PAK6: variants seen among roughly 807,000 people sequenced by gnomAD.
PAK6 encodes the protein serine/threonine-protein kinase PAK 6.
PAK6 carries 33 observed loss-of-function variants against 60.8 expected under a neutral mutation model. The ratio of observed to expected loss-of-function variants is 0.54; its 90% confidence interval spans 0.41 to 0.73. The LOEUF (loss-of-function observed/expected upper bound fraction) is 0.73. PAK6 is among the 30% of genes least tolerant of loss of function. The probability of loss-of-function intolerance (pLI) is 0.00; values close to 1 mark genes in which losing one functional copy is unlikely to be tolerated. For synonymous variants in PAK6, 404 were observed against 378.5 expected (o/e 1.07, Z -0.78); for missense variants, 845 against 904.1 (o/e 0.93, Z 0.84).
chr15:40,267,210 C>T (rs2039167196), intron 5 of PAK6, among the ~76,000 whole-genome samples: 1 of 152,042 alleles, frequency 6.6e-6, no homozygotes, highest in Non-Finnish European at 1.5e-5. Context: ...GTAATGGAGC[C>T]TCCCCTCCCT....
At chr15:40,274,610 G>A (rs865993851) in intron 10 of PAK6, among the ~76,000 whole-genome samples, 1 of 152,318 alleles carries the variant, frequency 6.6e-6, no homozygotes, top group South Asian at 2.1e-4. Context: ...GCTGTCCAGG[G>A]AGGGATCCGG....
chr15:40,264,561 C>T (rs1369923132), intron 3 of PAK6: 1 of 629,360 alleles, frequency 1.6e-6, no homozygotes, highest in Non-Finnish European at 2.9e-6. Context: ...TGTTTATAGT[C>T]TGCACTGGCT....
At chr15:40,275,114 C>T (rs2039411291) in intron 10 of PAK6, among the ~76,000 whole-genome samples, 1 of 152,072 alleles carries the variant, frequency 6.6e-6, no homozygotes, top group Non-Finnish European at 1.5e-5. Context: ...CTGCCCAAGA[C>T]TCAGCCTCAT....
intron 2 of PAK6, chr15:40,250,723 G>A (rs2038642459): frequency 1.3e-5 from 2 of 152,168 alleles, no homozygotes; most frequent in African/African-American, 2.4e-5. Flanking sequence ...GTACTGCTTG[G>A]AGCTGTGATT....
intron 7 of PAK6, 24 bp downstream of exon 7, chr15:40,273,023 C>T (rs1197541363): frequency 1.2e-6 from 2 of 1,611,324 alleles, no homozygotes; most frequent in African/African-American, 2.7e-5. Context: ...AGGGCTGGAC[C>T]CTGAGTGCAG....
intron 9 of PAK6, 191 bp downstream of exon 9, chr15:40,273,867 A>G: frequency 1.4e-6 from 1 of 734,574 alleles, no homozygotes; most frequent in Non-Finnish European, 2.2e-6. Context: ...GAGTCCTGCA[A>G]GTGCTTTCCT....
rs927469971 is a variant in PAK6, at chr15:40,273,857, G to A, written c.1743+181G>A. ...ACCCAGTGACTTTGCTGCCAGGAAC[G>A]AGTCCTGCAAGTGCTTTCCTCAGCT... is the stretch of plus-strand genomic sequence containing the variant. On this transcript the variant is annotated intron_variant, in intron 9 of 10. Transcript: ENST00000560346. 5 of 774,500 alleles carry A rather than the reference G, an allele frequency of 6.5e-6. No individual in the cohort carries two copies. In the African/African-American group the frequency reaches 7.0e-5, roughly 11 times the overall value. The allele number at this position is 774,500 out of a possible 1,614,324, so 48.0% of individuals were successfully genotyped here.
chr15:40,264,918 G>A, exon 4 of PAK6: 1 of 1,613,832 alleles, frequency 6.2e-7, no homozygotes, highest in Non-Finnish European at 8.5e-7. Flanking sequence ...GAACATCCTG[G>A]ACACACTGCG....
intron 8 of PAK6, 34 bp downstream of exon 8, chr15:40,273,506 T>C: frequency 1.2e-6 from 2 of 1,613,656 alleles, no homozygotes; most frequent in Non-Finnish European, 1.7e-6. Flanking sequence ...ACAGCCACGC[T>C]CCCACTTCCT....
chr15:40,264,856 C>T, exon 4 of PAK6: 1 of 1,614,040 alleles, frequency 6.2e-7, no homozygotes, highest in Non-Finnish European at 8.5e-7. Context: ...CGTGTCCACA[C>T]CTCCTTCGAC....
chr15:40,252,948 G>C (rs542114315), intron 2 of PAK6: 1 of 908,822 alleles, frequency 1.1e-6, no homozygotes, highest in Non-Finnish European at 1.4e-6. Flanking sequence ...TGGCCGCGCC[G>C]GGTCGGAGTG....
chr15:40,268,845 G>A (rs1357630721), intron 5 of PAK6, among the ~76,000 whole-genome samples: 4 of 152,184 alleles, frequency 2.6e-5, no homozygotes, highest in South Asian at 2.1e-4. Flanking sequence ...CGTGTACTCC[G>A]ATATATGTCA....
At chr15:40,276,282 C>A in exon 11 of PAK6, 1 of 588,038 alleles carries the variant, frequency 1.7e-6, no homozygotes. Flanking sequence ...AGTGTCTCTC[C>A]CTCCCGAGTC....
At chr15:40,252,442 C>T (rs1334028960) in intron 2 of PAK6, 2 of 1,359,552 alleles carry the variant, frequency 1.5e-6, no homozygotes, top group Middle Eastern at 2.1e-4. Flanking sequence ...CAGCACGGCG[C>T]CCCTCGGGCA....
At chr15:40,266,599 A>C (rs979464863) in intron 5 of PAK6, 104 bp downstream of exon 5, 7 of 1,202,942 alleles carry the variant, frequency 5.8e-6, no homozygotes, top group African/African-American at 3.1e-5. Context: ...GGCTCCCTGG[A>C]CTGCTTCCGC....
At chr15:40,274,320 C>T in intron 10 of PAK6, 44 bp downstream of exon 10, 1 of 1,540,040 alleles carries the variant, frequency 6.5e-7, no homozygotes, top group Non-Finnish European at 8.7e-7. Flanking sequence ...CCCCATTCCT[C>T]CTGAGGCAAG....
intron 3 of PAK6, among the ~76,000 whole-genome samples, chr15:40,255,819 G>T (rs192075989): frequency 7.9e-5 from 12 of 152,264 alleles, no homozygotes; most frequent in African/African-American, 2.9e-4. Context: ...GCAGAGTGCG[G>T]GCAGCCTCCT....
chr15:40,264,938 G>A (rs2039080864), exon 4 of PAK6: 2 of 1,613,752 alleles, frequency 1.2e-6, no homozygotes, highest in African/African-American at 1.3e-5. Context: ...GGCGCCCCAA[G>A]CCCGTGGTGG....
rs972878941 is a variant in PAK6 at position 40,244,224 on chromosome 15, G to A, written c.-118+3543G>A. 8.6e-5 allele frequency among the ~76,000 whole-genome samples: 13 copies of A among 151,234 alleles called. No homozygotes were observed. The South Asian group carries it at 1.3e-3, about 15-fold the overall frequency. The stretch of plus-strand genomic sequence containing the variant: ...CGCGTGCCTGTAGTCCCAGCTACCC[G>A]GGAGGCTGAGGCAGGGGAATCGCTT... On this transcript the variant is annotated intron_variant, in intron 2 of 10. Coordinates refer to ENST00000560346, the Ensembl canonical transcript of PAK6.
Sources: allele counts gnomAD v4.1 joint callset (sites outside exome capture counted in the v4.1 genomes callset), GRCh38; gene constraint gnomAD v4.1.1; transcripts MANE v1.5; gene names NCBI Gene and HGNC (gene_info 2026-07-23, HGNC 2026-07-21).